The following WWOX variants were observed in gnomAD, a reference collection of about 807,000 sequenced individuals.
WWOX encodes the protein WW domain containing oxidoreductase.
WWOX carries 69 observed loss-of-function variants against 46.2 expected under a neutral mutation model. The observed-to-expected ratio is 1.49, with a 90% CI of 1.23 to 1.82. WWOX has a LOEUF of 1.82. Ranked by LOEUF, WWOX falls within the 40% of genes most tolerant of loss-of-function variation. WWOX has a pLI of 0.00. For synonymous variants in WWOX, 359 were observed against 202.6 expected, an observed-to-expected ratio of 1.77 and a Z score of -6.56; for missense variants, 919 against 542.6, an observed-to-expected ratio of 1.69 and a Z score of -6.89.
chr16:78,879,937 G>A (rs181443641), intron 8 of WWOX, among the ~76,000 whole-genome samples: 39 of 151,886 alleles, frequency 2.6e-4, no homozygotes, highest in African/African-American at 7.7e-4. Context: ...TAGGGTCTCT[G>A]GTATTATCCT....
intron 8 of WWOX, among the ~76,000 whole-genome samples, chr16:78,882,952 G>A (rs2044374890): frequency 6.6e-6 from 1 of 152,146 alleles, no homozygotes; most frequent in South Asian, 2.1e-4. Context: ...GATGTCGTAG[G>A]CTGAGGGAGA....
chr16:78,932,663 T>A (rs887661330), intron 8 of WWOX, among the ~76,000 whole-genome samples: 5 of 152,156 alleles, frequency 3.3e-5, no homozygotes, highest in African/African-American at 1.2e-4. Context: ...CTGGGGTGAA[T>A]TCCCCCCATG....
intron 8 of WWOX, among the ~76,000 whole-genome samples, chr16:78,592,750 G>C (rs2045380813): frequency 6.6e-6 from 1 of 152,178 alleles, no homozygotes; most frequent in South Asian, 2.1e-4. Context: ...CAGAAAATAA[G>C]TTGTTTTCTG....
intron 8 of WWOX, among the ~76,000 whole-genome samples, chr16:78,605,837 G>A (rs1416859250): frequency 3.3e-5 from 5 of 152,138 alleles, no homozygotes; most frequent in Admixed American, 2.6e-4. Flanking sequence ...AGTGGAGTGT[G>A]TGTGTGTGTT....
chr16:78,801,392 C>G (rs1426490944), intron 8 of WWOX, among the ~76,000 whole-genome samples: 3 of 152,034 alleles, frequency 2.0e-5, no homozygotes, highest in Non-Finnish European at 4.4e-5. Flanking sequence ...TGCTATAATC[C>G]CAGCTACTCA....
Position 78,218,179 on chromosome 16 carries a change from C to T in WWOX, c.516+53890C>T, listed in dbSNP as rs557817546. ...AAGCGATCCTCCTGCCTCAGCCTCC[C>T]GAGTAGCTTGTACTGCAGATGTGTG... On this transcript the variant is annotated intron_variant, in intron 5 of 8. Coordinates refer to ENST00000566780, the MANE Select transcript of WWOX (RefSeq NM_016373.4). Among the ~76,000 whole-genome samples the T allele has an allele frequency of 9.8e-4, 149 of 152,192 alleles. 1 individual carries two copies. Among genetic ancestry groups the T allele is most frequent in the South Asian group, 2.1e-4 (1 of 4,810 alleles).
chr16:78,524,779 G>A (rs1027757787), intron 8 of WWOX, among the ~76,000 whole-genome samples: 6 of 143,804 alleles, frequency 4.2e-5, no homozygotes, highest in Non-Finnish European at 7.5e-5. Flanking sequence ...TTAATATATA[G>A]TAAGGGAGGT....
chr16:78,266,821 T>TCATAGTGA (rs1831021029), intron 5 of WWOX, among the ~76,000 whole-genome samples: 1 of 150,906 alleles, frequency 6.6e-6, no homozygotes, highest in African/African-American at 2.4e-5. Context: ...TCTCTCTCTC[T>TCATAGTGA]CTCTGTCTCC....
chr16:78,759,322 C>G (rs2049733787), intron 8 of WWOX, among the ~76,000 whole-genome samples: 1 of 152,200 alleles, frequency 6.6e-6, no homozygotes, highest in African/African-American at 2.4e-5. Flanking sequence ...TAAGTGTGCA[C>G]TGTCTGCCAT....
chr16:78,188,404 C>T (rs1489881972), intron 5 of WWOX, among the ~76,000 whole-genome samples: 20 of 150,368 alleles, frequency 1.3e-4, no homozygotes, highest in Admixed American at 1.3e-3. Context: ...AGGACAATGG[C>T]GTGAACCCAG....
chr16:78,903,346 G>T (rs1321323782), intron 8 of WWOX, among the ~76,000 whole-genome samples: 1 of 152,112 alleles, frequency 6.6e-6, no homozygotes, highest in African/African-American at 2.4e-5. Context: ...AGAGGCTAAA[G>T]TGAAATTACA....
intron 8 of WWOX, among the ~76,000 whole-genome samples, chr16:78,818,288 C>G (rs1393102018): frequency 6.6e-6 from 1 of 152,218 alleles, no homozygotes; most frequent in African/African-American, 2.4e-5. Context: ...CCAGTGTGGA[C>G]AAGTTCCAGC....
At chr16:79,001,104 TTTAA>T (rs2047083691) in intron 8 of WWOX, among the ~76,000 whole-genome samples, 1 of 152,222 alleles carries the variant, frequency 6.6e-6, no homozygotes, top group South Asian at 2.1e-4. Flanking sequence ...TACTATGAAC[TTTAA>T]TTAAACACAT....
chr16:78,644,121 C>T (rs1320197718), intron 8 of WWOX, among the ~76,000 whole-genome samples: 3 of 152,096 alleles, frequency 2.0e-5, no homozygotes, highest in Admixed American at 2.0e-4. Context: ...ACTCAGAAGG[C>T]TGAGGCGGGA....
intron 5 of WWOX, among the ~76,000 whole-genome samples, chr16:78,371,271 T>C (rs200666796): frequency 9.4e-4 from 143 of 152,340 alleles, no homozygotes; most frequent in Non-Finnish European, 1.8e-3. Context: ...TCTCTACAGA[T>C]GGATATAACT....
At chr16:79,115,932 T>C (rs1027454846) in intron 8 of WWOX, among the ~76,000 whole-genome samples, 2 of 152,192 alleles carry the variant, frequency 1.3e-5, no homozygotes, top group African/African-American at 4.8e-5. Context: ...ATATTGCAGA[T>C]CCCGTTCCAG....
At chr16:78,626,221 C>T (rs370570152) in intron 8 of WWOX, among the ~76,000 whole-genome samples, 4 of 151,938 alleles carry the variant, frequency 2.6e-5, no homozygotes, top group African/African-American at 7.3e-5. Context: ...ACCTCCGCCT[C>T]GCAGGTTTAA....
intron 8 of WWOX, among the ~76,000 whole-genome samples, chr16:78,716,791 G>A (rs893256059): frequency 2.0e-5 from 3 of 152,116 alleles, no homozygotes; most frequent in African/African-American, 2.4e-5. Flanking sequence ...GAGAAACGTG[G>A]CCCAGCATTG....
intron 4 of WWOX, among the ~76,000 whole-genome samples, chr16:78,127,586 C>T (rs1049464880): frequency 6.8e-5 from 10 of 146,254 alleles, no homozygotes; most frequent in Non-Finnish European, 1.2e-4. Flanking sequence ...ATATATTAAA[C>T]TTGGGGGAAA....
Sources: gnomAD v4.1 joint callset for allele counts (sites outside exome capture counted in the v4.1 genomes callset) on GRCh38, gnomAD v4.1.1 for gene constraint, MANE v1.5 for transcripts, NCBI Gene and HGNC (gene_info 2026-07-23, HGNC 2026-07-21) for gene names.